Variants in ZNF638 observed in about 807,000 individuals in gnomAD.
ZNF638 encodes the protein CTCL tumor antigen se33-1.
In ZNF638, 46 loss-of-function variants were observed where a neutral mutation model predicts 195.6. The observed-to-expected ratio is 0.24, with a 90% confidence interval of 0.19 to 0.30. ZNF638 has a LOEUF of 0.30. Ranked by LOEUF, ZNF638 falls within the 10% of genes least tolerant of loss-of-function variation. The probability of loss-of-function intolerance (pLI) is 1.00; values close to 1 mark genes in which losing one functional copy is unlikely to be tolerated. For missense variants in ZNF638, 2,440 were observed against 2,325.3 expected (o/e 1.05, Z -1.01); for synonymous variants, 845 against 772.0 (o/e 1.09, Z -1.57).
At chr2:71,353,751 G>C (rs1211681787) in intron 2 of ZNF638, among the ~76,000 whole-genome samples, 1 of 152,080 alleles carries the variant, frequency 6.6e-6, no homozygotes, top group Admixed American at 6.5e-5. Context: ...CTGGACTTGC[G>C]GGTAAAAATC....
rs2080355160 is a variant in ZNF638 at position 71,418,637 on chromosome 2, A to G, written c.3297A>G (p.Glu1099=). 1.3e-6 allele frequency: 2 copies of G among 1,563,384 alleles called. No individual in the cohort carries two copies. Among genetic ancestry groups the G allele is most frequent in the Admixed American group, 3.7e-5 (2 of 53,584 alleles). The part of the protein sequence containing the change: ...QIEHDPELEK[E]SPGLKNSPID... ...AGCATGACCCAGAATTAGAAAAAGA[A>G]AGGTATGTTGCTTTATGTTTACTAA... The change falls in exon 21 of 28, where the codon GAA becomes GAG. Residue 1099 remains glutamate, a splice_region_variant and synonymous_variant. Coordinates refer to ENST00000264447, the MANE Select transcript of ZNF638 (RefSeq NM_014497.5).
intron 3 of ZNF638, among the ~76,000 whole-genome samples, chr2:71,362,930 C>T (rs1287138338): frequency 2.0e-5 from 3 of 151,976 alleles, no homozygotes; most frequent in South Asian, 2.1e-4. Flanking sequence ...ATATGCTGGC[C>T]GGTTTACTTA....
chr2:71,369,765 C>T, intron 7 of ZNF638, 118 bp from the exon 8 acceptor site: 2 of 1,001,190 alleles, frequency 2.0e-6, no homozygotes, highest in Non-Finnish European at 2.8e-6. Context: ...CAAAAGCAAC[C>T]ATGACTTGAG....
chr2:71,417,249 T>C (rs1291062487), intron 20 of ZNF638, among the ~76,000 whole-genome samples: 1 of 151,638 alleles, frequency 6.6e-6, no homozygotes, highest in Non-Finnish European at 1.5e-5. Context: ...TCCAGGTGCG[T>C]CCGTCACCCC....
intron 3 of ZNF638, 59 bp downstream of exon 3, chr2:71,355,839 G>T (rs552619141): frequency 1.2e-5 from 12 of 1,005,182 alleles, no homozygotes; most frequent in Non-Finnish European, 1.8e-5. Flanking sequence ...TTAATGTTCA[G>T]ATGTGACTGT....
At chr2:71,376,319 G>A (rs1295582888) in intron 8 of ZNF638, 3 of 152,222 alleles carry the variant, frequency 2.0e-5, no homozygotes, top group Non-Finnish European at 4.4e-5. Flanking sequence ...CATGCCTAGG[G>A]ATTGAGTGGA....
chr2:71,396,321 T>G, intron 11 of ZNF638, 130 bp downstream of exon 11: 1 of 688,606 alleles, frequency 1.5e-6, no homozygotes, highest in South Asian at 1.9e-5. Flanking sequence ...CTTTGAGATT[T>G]ATAATCATCT....
intron 3 of ZNF638, chr2:71,361,637 C>T (rs542952064): frequency 2.0e-5 from 3 of 152,208 alleles, no homozygotes; most frequent in African/African-American, 7.2e-5. Context: ...ACTTTTTTGT[C>T]TTCACAGTTT....
rs771051765 is a variant in ZNF638, at chr2:71,423,761, G to A, written c.4247G>A (p.Ser1416Asn). ...GTTTCAAAAACTGAAAATCAGAAAA[G>A]TTTTCCAAAATCTGTGCCCAGAGAT... is the stretch of plus-strand genomic sequence containing the variant. ...ATVSKTENQK[S>N]FPKSVPRDQI... Residue 1416 changes from serine to asparagine, a missense_variant, in exon 22 of 28, where the codon AGT (serine) becomes AAT (asparagine). By Grantham distance (46) the Ser-to-Asn change is conservative (BLOSUM62 1). Transcript: ENST00000264447. 1 of 1,613,948 alleles carries A rather than the reference G, an allele frequency of 6.2e-7. No homozygotes were observed. The highest frequency in any genetic ancestry group is 2.2e-5 in the East Asian group (1 of 44,888).
In ZNF638 at chr2:71,376,899, G is replaced by A. The variant is rs974684616; in HGVS notation, c.2266-3323G>A. On this transcript the variant is annotated intron_variant, in intron 8 of 27. Coordinates refer to ENST00000264447, the MANE Select transcript of ZNF638 (RefSeq NM_014497.5). ...TTTTTGAGCTACTCCTTGCCCCACC[G>A]TTACCAGTAATCCGATGAAAGCAAA... 3.9e-5 allele frequency among the ~76,000 whole-genome samples: 6 copies of A among 152,064 alleles called. No individual in the cohort carries two copies. In the South Asian group the frequency reaches 6.2e-4, roughly 16 times the overall value.
intron 12 of ZNF638, among the ~76,000 whole-genome samples, chr2:71,399,157 AT>A (rs887335038): frequency 1.1e-4 from 17 of 151,832 alleles, no homozygotes; most frequent in South Asian, 6.2e-4. Flanking sequence ...AGGAGAATTC[AT>A]TTTTTTTCAT....
intron 17 of ZNF638, among the ~76,000 whole-genome samples, chr2:71,404,597 G>T (rs984100878): frequency 1.3e-5 from 2 of 152,180 alleles, no homozygotes; most frequent in South Asian, 4.1e-4. Context: ...CACACCCGTG[G>T]TCCCAGCTCC....
In ZNF638 at chr2:71,427,185, T is replaced by G; in HGVS notation, c.5316T>G (p.Leu1772=). The G allele has an allele frequency of 6.2e-7, 1 of 1,611,858 alleles. No individual in the cohort carries two copies. The highest frequency in any genetic ancestry group is 8.5e-7 in the Non-Finnish European group (1 of 1,179,288). ...LADFNNLKEE[L]NFVTVDEVGE... The stretch of plus-strand genomic sequence containing the variant: ...ATTTTAACAACCTTAAAGAAGAGCT[T>G]AATTTTGTTACTGTTGATGAAGTTG... Residue 1772 remains leucine, a synonymous_variant, in exon 24 of 28, where the codon CTT becomes CTG. Transcript: ENST00000264447.
intron 23 of ZNF638, among the ~76,000 whole-genome samples, chr2:71,425,113 T>C (rs925857231): frequency 1.3e-5 from 2 of 152,212 alleles, no homozygotes; most frequent in African/African-American, 4.8e-5. Context: ...TTGGCTCTAA[T>C]TTAACCTTAA....
intron 10 of ZNF638, 63 bp from the exon 11 acceptor site, chr2:71,396,078 T>C (rs2079887511): frequency 6.7e-7 from 1 of 1,485,460 alleles, no homozygotes; most frequent in Admixed American, 1.7e-5. Flanking sequence ...AGGTTGACTT[T>C]TAACTAAATC....
chr2:71,419,977 T>TCC, intron 21 of ZNF638, among the ~76,000 whole-genome samples: 1 of 17,266 alleles, frequency 5.8e-5, no homozygotes, highest in Non-Finnish European at 1.6e-4. Flanking sequence ...CCCCCGCCTT[T>TCC]TTTTTTTTTT....
chr2:71,419,036 T>C (rs1294940595), intron 21 of ZNF638, among the ~76,000 whole-genome samples: 1 of 152,230 alleles, frequency 6.6e-6, no homozygotes, highest in African/African-American at 2.4e-5. Context: ...CTTAATTTCA[T>C]TGTGTGTTTT....
At chr2:71,385,523 A>G (rs2079619337) in intron 10 of ZNF638, among the ~76,000 whole-genome samples, 1 of 152,218 alleles carries the variant, frequency 6.6e-6, no homozygotes, top group Non-Finnish European at 1.5e-5. Context: ...GGCTATTGCT[A>G]TAAATGGGTT....
rs975752908 is a variant in ZNF638 at position 71,399,604 on chromosome 2, A to G, written c.2546A>G (p.Asn849Ser). ...TCTCTAGAAGCCAAAAAGACTGGGA[A>G]TGTCAAAAACAAAGACTCTAACAAA... is the stretch of plus-strand genomic sequence containing the variant. ...KKSLEAKKTG[N>S]VKNKDSNKPV... is the part of the protein sequence containing the mutation. The change falls in exon 13 of 28, where the codon AAT (asparagine) becomes AGT (serine). Residue 849 changes from asparagine (N) to serine (S), a missense_variant. Physicochemically the swap from Asn to Ser is conservative, Grantham distance 46. Coordinates refer to ENST00000264447, the MANE Select transcript of ZNF638 (RefSeq NM_014497.5). The G allele has an allele frequency of 6.2e-7, 1 of 1,612,992 alleles. No homozygotes were observed.
Sources: allele counts gnomAD v4.1 joint callset (sites outside exome capture counted in the v4.1 genomes callset), GRCh38; gene constraint gnomAD v4.1.1; transcripts MANE v1.5; gene names NCBI Gene and HGNC (gene_info 2026-07-23, HGNC 2026-07-21).